Variants in ST18 observed in about 807,000 individuals in gnomAD.
The protein encoded by ST18 is ST18 C2H2C-type zinc finger transcription factor, also known as suppression of tumorigenicity 18 protein.
In ST18, 50 loss-of-function variants were observed where a neutral mutation model predicts 110.0. That is an observed-to-expected ratio of 0.45 (90% CI 0.36 to 0.58). ST18 has a LOEUF of 0.58. ST18 is among the 20% of genes least tolerant of loss of function. The probability of loss-of-function intolerance (pLI) is 0.00; values close to 1 mark genes in which losing one functional copy is unlikely to be tolerated. For synonymous variants in ST18, 461 were observed against 452.4 expected (o/e 1.02, Z -0.24); for missense variants, 1,306 against 1,280.1 (o/e 1.02, Z -0.31).
At chr8:52,211,414 A>ATTG (rs1258441497) in intron 8 of ST18, among the ~76,000 whole-genome samples, 6 of 135,324 alleles carry the variant, frequency 4.4e-5, no homozygotes, top group African/African-American at 1.3e-4. Flanking sequence ...TATTATTATT[A>ATTG]TTATTATTTT....
chr8:52,317,535 T>C (rs987397932), intron 2 of ST18, among the ~76,000 whole-genome samples: 17 of 152,234 alleles, frequency 1.1e-4, no homozygotes, highest in African/African-American at 4.1e-4. Context: ...CAGCTTGTGG[T>C]AATTTGTTAA....
At chr8:52,122,768 G>A (rs760754082) in intron 23 of ST18, among the ~76,000 whole-genome samples, 4 of 152,132 alleles carry the variant, frequency 2.6e-5, no homozygotes, top group Non-Finnish European at 5.9e-5. Context: ...ATTAAGGCAT[G>A]AGCCACCGTG....
intron 2 of ST18, among the ~76,000 whole-genome samples, chr8:52,316,924 T>C (rs1198825988): frequency 1.3e-5 from 2 of 152,240 alleles, no homozygotes; most frequent in Non-Finnish European, 1.5e-5. Context: ...ATCACCCTTA[T>C]CAGGAATTTG....
intron 2 of ST18, among the ~76,000 whole-genome samples, chr8:52,323,962 CA>C (rs1364497211): frequency 6.6e-6 from 1 of 152,230 alleles, no homozygotes; most frequent in African/African-American, 2.4e-5. Context: ...TCAGGGGACT[CA>C]TGCCCCTTAC....
intron 2 of ST18, among the ~76,000 whole-genome samples, chr8:52,270,012 C>T (rs1315503230): frequency 1.2e-4 from 18 of 152,098 alleles, no homozygotes; most frequent in African/African-American, 4.3e-4. Flanking sequence ...TTTTTTCCCC[C>T]GTAACTGATC....
intron 2 of ST18, among the ~76,000 whole-genome samples, chr8:52,350,700 C>T (rs1006067575): frequency 1.3e-4 from 20 of 151,928 alleles, no homozygotes; most frequent in African/African-American, 4.6e-4. Context: ...ATACTCACCT[C>T]TCGTGTCACT....
chr8:52,246,338 A>T (rs577152856), intron 2 of ST18, among the ~76,000 whole-genome samples: 6 of 152,204 alleles, frequency 3.9e-5, no homozygotes, highest in African/African-American at 7.2e-5. Context: ...GGGCAAAAAA[A>T]TTTTTAAAAA....
intron 10 of ST18, among the ~76,000 whole-genome samples, chr8:52,170,211 T>C (rs902168128): frequency 6.6e-6 from 1 of 152,212 alleles, no homozygotes; most frequent in African/African-American, 2.4e-5. Flanking sequence ...ATCACACCTG[T>C]AATCCCAGCA....
At chr8:52,267,505 C>T in intron 2 of ST18, among the ~76,000 whole-genome samples, 1 of 102,616 alleles carries the variant, frequency 9.7e-6, no homozygotes, top group South Asian at 3.4e-4. Context: ...AAAAAAAAAA[C>T]CCAAAACCCT....
chr8:52,274,284 T>C (rs1297769093), intron 2 of ST18, among the ~76,000 whole-genome samples: 1 of 152,058 alleles, frequency 6.6e-6, no homozygotes, highest in Non-Finnish European at 1.5e-5. Flanking sequence ...TAGAAGAAAA[T>C]ACATCAAAAA....
intron 8 of ST18, chr8:52,210,198 T>G: frequency 1.5e-5 from 7 of 455,812 alleles, no homozygotes; most frequent in South Asian, 9.3e-5. Flanking sequence ...TAAACTTCTC[T>G]TGACTATTCT....
At chr8:52,225,467 TG>T (rs1046584119) in intron 3 of ST18, among the ~76,000 whole-genome samples, 1 of 152,220 alleles carries the variant, frequency 6.6e-6, no homozygotes, top group Non-Finnish European at 1.5e-5. Flanking sequence ...TAATTTGCTT[TG>T]GGGGGCCAGT....
intron 22 of ST18, among the ~76,000 whole-genome samples, chr8:52,131,201 T>C (rs906356490): frequency 2.6e-5 from 4 of 152,168 alleles, no homozygotes; most frequent in African/African-American, 4.8e-5. Flanking sequence ...TACAAAACAT[T>C]AACGGTTTCC....
At chr8:52,360,207 T>C (rs1825093830) in intron 2 of ST18, among the ~76,000 whole-genome samples, 1 of 152,132 alleles carries the variant, frequency 6.6e-6, no homozygotes, top group Non-Finnish European at 1.5e-5. Flanking sequence ...ATTGTACTCA[T>C]ACCTACATAG....
At chr8:52,196,661 G>A (rs2076276600) in intron 8 of ST18, among the ~76,000 whole-genome samples, 1 of 152,176 alleles carries the variant, frequency 6.6e-6, no homozygotes, top group African/African-American at 2.4e-5. Context: ...TATTAGTTAT[G>A]TTGTTAATGT....
chr8:52,363,449 G>C (rs560699898), intron 2 of ST18, among the ~76,000 whole-genome samples: 24 of 152,152 alleles, frequency 1.6e-4, no homozygotes, highest in African/African-American at 5.8e-4. Flanking sequence ...CACATGATTG[G>C]TTTCTATCAT....
rs532179870 is a variant in ST18 at position 52,376,305 on chromosome 8, A to T, written c.-465+33023T>A. 5.3e-5 allele frequency among the ~76,000 whole-genome samples: 8 copies of T among 152,160 alleles called. No homozygotes were observed. In the South Asian group the frequency reaches 6.2e-4, roughly 12 times the overall value. ...TTCCACTCCACCTACACACAGTTCA[A>T]CACAACGGGATCCTTTTCTGAACAC... On this transcript the variant is annotated intron_variant, in intron 2 of 25. Transcript: ENST00000689386.
At chr8:52,209,810 T>TATATATAC (rs1491569273) in intron 8 of ST18, among the ~76,000 whole-genome samples, 1 of 140,560 alleles carries the variant, frequency 7.1e-6, no homozygotes. Context: ...TATATATATA[T>TATATATAC]ACATGCTTAT....
intron 23 of ST18, among the ~76,000 whole-genome samples, chr8:52,124,799 G>T (rs2046358388): frequency 6.6e-6 from 1 of 152,114 alleles, no homozygotes; most frequent in Non-Finnish European, 1.5e-5. Context: ...TGGAGGGAGA[G>T]AATCCCCAAC....
Sources: gnomAD v4.1 joint callset for allele counts (sites outside exome capture counted in the v4.1 genomes callset) on GRCh38, gnomAD v4.1.1 for gene constraint, MANE v1.5 for transcripts, NCBI Gene and HGNC (gene_info 2026-07-23, HGNC 2026-07-21) for gene names.